Variants in MSI2 observed in about 807,000 individuals in gnomAD.
MSI2 encodes the protein musashi RNA binding protein 2, also known as RNA-binding protein Musashi homolog 2.
In MSI2, 17 loss-of-function variants were observed where a neutral mutation model predicts 45.6. The observed-to-expected ratio is 0.37, with a 90% confidence interval of 0.26 to 0.56. The LOEUF is 0.56. MSI2 is among the 20% of genes least tolerant of loss of function. The pLI is 0.77. For synonymous variants in MSI2, 156 were observed against 158.2 expected (o/e 0.99, Z 0.11); for missense variants, 293 against 444.2 (o/e 0.66, Z 3.06).
At chr17:57,285,193 G>A (rs1406148783) in intron 5 of MSI2, among the ~76,000 whole-genome samples, 1 of 152,202 alleles carries the variant, frequency 6.6e-6, no homozygotes, top group Admixed American at 6.5e-5. Flanking sequence ...TGTTTTCAAG[G>A]TTAGATAGCA....
chr17:57,564,445 G>C (rs949144637), intron 7 of MSI2, among the ~76,000 whole-genome samples: 5 of 152,200 alleles, frequency 3.3e-5, no homozygotes, highest in African/African-American at 9.7e-5. Flanking sequence ...CTGGGCCTCA[G>C]TGGGTCCAAG....
At chr17:57,495,397 G>A (rs1043732533) in intron 6 of MSI2, among the ~76,000 whole-genome samples, 1 of 151,916 alleles carries the variant, frequency 6.6e-6, no homozygotes, top group African/African-American at 2.4e-5. Context: ...GCCGGGCATG[G>A]TGGTGCACGC....
At chr17:57,620,018 A>G (rs1227657882) in intron 9 of MSI2, among the ~76,000 whole-genome samples, 3 of 152,134 alleles carry the variant, frequency 2.0e-5, no homozygotes. Context: ...ATCCAGCCCA[A>G]CCCCAGGTCA....
rs923268738 is a variant in MSI2 at position 57,682,574 on chromosome 17, T to C, written c.*3057T>C. On this transcript the variant is annotated 3_prime_UTR_variant, in exon 14 of 14. Coordinates refer to ENST00000284073, the MANE Select transcript of MSI2 (RefSeq NM_138962.4). ...GCACAAATCTTGTGGAAATCCGATA[T>C]GTTTTAATGTGGCTACCTAGGTTTA... The C allele has an allele frequency of 1.9e-5, 4 of 211,530 alleles. No individual in the cohort carries two copies. The highest frequency in any genetic ancestry group is 3.8e-5 in the Non-Finnish European group (4 of 104,514). 13.1% of individuals were successfully genotyped at this position (211,530 alleles called of 1,614,324 possible).
rs183155944 is a variant in MSI2, at chr17:57,542,369, G to A, written c.454+12645G>A. On this transcript the variant is annotated intron_variant, in intron 7 of 13. Coordinates refer to ENST00000284073, the MANE Select transcript of MSI2 (RefSeq NM_138962.4). The stretch of plus-strand genomic sequence containing the variant: ...CCAAGAGCTGCTTCACTCTGTGGCC[G>A]ACTTTGATTTTCTCATGTAGAGACA... Among the ~76,000 whole-genome samples, 372 of 152,276 alleles carry A rather than the reference G, an allele frequency of 2.4e-3. 4 individuals are homozygous for A. The highest frequency in any genetic ancestry group is 3.4e-3 in the Middle Eastern group (1 of 294).
chr17:57,425,137 C>A (rs1181772430), intron 6 of MSI2, among the ~76,000 whole-genome samples: 1 of 152,106 alleles, frequency 6.6e-6, no homozygotes, highest in Non-Finnish European at 1.5e-5. Context: ...GCCCGGTATC[C>A]TGAAGAGGGG....
intron 6 of MSI2, among the ~76,000 whole-genome samples, chr17:57,489,940 G>A (rs985322522): frequency 6.6e-5 from 10 of 152,182 alleles, no homozygotes; most frequent in African/African-American, 2.4e-4. Flanking sequence ...TGAGCAGGAG[G>A]GTGACGAGAG....
At chr17:57,663,604 G>A (rs62058154) in intron 11 of MSI2, among the ~76,000 whole-genome samples, 2 of 152,160 alleles carry the variant, frequency 1.3e-5, no homozygotes, top group Non-Finnish European at 2.9e-5. Flanking sequence ...GAAAGGTGGC[G>A]GCAGCGTCAC....
intron 5 of MSI2, among the ~76,000 whole-genome samples, chr17:57,359,463 G>T (rs1021633749): frequency 2.6e-5 from 4 of 152,178 alleles, no homozygotes; most frequent in African/African-American, 7.2e-5. Flanking sequence ...GGACTTACCT[G>T]TCTGAGTCTT....
In MSI2 at chr17:57,529,441, A is replaced by G. The variant is rs1417249782; in HGVS notation, c.406-235A>G. The stretch of plus-strand genomic sequence containing the variant: ...ACAGAGTGAGACCCTGTCTCAAAAA[A>G]TAAAAAGCAGACACTAAAGGGAACT... On this transcript the variant is annotated intron_variant, in intron 6 of 13. Transcript: ENST00000284073. This position sits in a 1 kb window ranked among gnomAD's most constrained non-coding sequence, Gnocchi z 5.3. 6.6e-6 allele frequency among the ~76,000 whole-genome samples: 1 copy of G among 152,200 alleles called. No individual in the cohort carries two copies. Among genetic ancestry groups the G allele is most frequent in the East Asian group, 1.9e-4 (1 of 5,196 alleles).
At chr17:57,524,665 T>C (rs1235044155) in intron 6 of MSI2, among the ~76,000 whole-genome samples, 2 of 152,238 alleles carry the variant, frequency 1.3e-5, no homozygotes, top group Non-Finnish European at 2.9e-5. Context: ...AAGAAATCCC[T>C]CTTCTTATCA....
At chr17:57,342,180 T>G (rs1329342353) in intron 5 of MSI2, among the ~76,000 whole-genome samples, 1 of 152,192 alleles carries the variant, frequency 6.6e-6, no homozygotes, top group Non-Finnish European at 1.5e-5. Context: ...TTGTGATGCT[T>G]TTTGAGCTAA....
At position 57,681,367 on chromosome 17, in the gene MSI2, C is replaced by T. The variant is rs1300271974; in HGVS notation, c.*1850C>T. 3 of 178,866 alleles carry T rather than the reference C, an allele frequency of 1.7e-5. No individual in the cohort carries two copies. Among genetic ancestry groups the T allele is most frequent in the East Asian group, 9.3e-5 (1 of 10,808 alleles). The allele number at this position is 178,866 out of a possible 1,614,324, so 11.1% of individuals were successfully genotyped here. On this transcript the variant is annotated 3_prime_UTR_variant, in exon 14 of 14. Transcript: ENST00000284073. ...TTTCTTTTTTAAAATGTGATATTGA[C>T]GTTTTATTAATATTTTTTAAATTGT...
chr17:57,293,367 C>T (rs1033706241), intron 5 of MSI2, among the ~76,000 whole-genome samples: 3 of 152,068 alleles, frequency 2.0e-5, no homozygotes, highest in South Asian at 2.1e-4. Context: ...CCTGGACCCA[C>T]GGGGCTGTCA....
chr17:57,651,298 T>G (rs1911126861), intron 10 of MSI2, among the ~76,000 whole-genome samples: 1 of 152,094 alleles, frequency 6.6e-6, no homozygotes, highest in South Asian at 2.1e-4. Flanking sequence ...CAGGGACCCG[T>G]AGGAGACCCT....
rs569947560 is a variant in MSI2 at position 57,565,306 on chromosome 17, C to T, written c.455-31562C>T. Among the ~76,000 whole-genome samples, 3 of 152,296 alleles carry T rather than the reference C, an allele frequency of 2.0e-5. No individual in the cohort carries two copies. The South Asian group carries it at 6.2e-4, about 32-fold the overall frequency. On this transcript the variant is annotated intron_variant, in intron 7 of 13. Coordinates refer to ENST00000284073, the MANE Select transcript of MSI2 (RefSeq NM_138962.4). ...TAAGCACAGCATCTGAATTCGGTTCCAGCCGGCCTTCCCAGCCTCACGCTG... is the reference window on the plus strand; with the variant it reads ...TAAGCACAGCATCTGAATTCGGTTCTAGCCGGCCTTCCCAGCCTCACGCTG...
At chr17:57,508,847 C>T (rs1343267541) in intron 6 of MSI2, among the ~76,000 whole-genome samples, 2 of 152,196 alleles carry the variant, frequency 1.3e-5, no homozygotes, top group African/African-American at 4.8e-5. Context: ...GCTGAAGGAG[C>T]GTGTTCTTGC....
intron 6 of MSI2, among the ~76,000 whole-genome samples, chr17:57,524,264 T>G (rs2086653556): frequency 6.6e-6 from 1 of 152,194 alleles, no homozygotes; most frequent in Non-Finnish European, 1.5e-5. Context: ...CCTAACAAAT[T>G]AAGCCCAGAT....
chr17:57,371,508 C>CA (rs35929440), intron 5 of MSI2, among the ~76,000 whole-genome samples: 94,728 of 140,524 alleles, frequency 0.67, 31,395 homozygotes, highest in East Asian at 0.77. Flanking sequence ...TTTTTCATGG[C>CA]AAAAAAAAAA....
Sources: gnomAD v4.1 joint callset for allele counts (sites outside exome capture counted in the v4.1 genomes callset) on GRCh38, gnomAD v4.1.1 for gene constraint, Gnocchi (gnomAD v3.1) non-coding constraint, MANE v1.5 for transcripts, NCBI Gene and HGNC (gene_info 2026-07-23, HGNC 2026-07-21) for gene names.